The following SLC37A3 variants were observed in gnomAD, a reference collection of about 807,000 sequenced individuals.
The protein encoded by SLC37A3 is sugar phosphate exchanger 3.
Under a neutral mutation model 67.1 loss-of-function variants are expected in SLC37A3, and 51 were observed. The observed-to-expected ratio is 0.76, with a 90% CI of 0.61 to 0.96. The LOEUF (loss-of-function observed/expected upper bound fraction) is 0.96, where lower values mean the gene tolerates loss of function less well. Ranked by LOEUF, SLC37A3 falls within the 40% of genes least tolerant of loss-of-function variation. The pLI is 0.00. For synonymous variants in SLC37A3, 214 were observed against 231.4 expected (o/e 0.92, Z 0.68); for missense variants, 508 against 603.0 (o/e 0.84, Z 1.65).
At chr7:140,373,084 T>C (rs1226493454) in intron 3 of SLC37A3, among the ~76,000 whole-genome samples, 2 of 152,144 alleles carry the variant, frequency 1.3e-5, no homozygotes, top group African/African-American at 4.8e-5. Flanking sequence ...CCTGAGTAGC[T>C]GGGACTACAG....
At chr7:140,391,689 T>C (rs963368887) in intron 1 of SLC37A3, among the ~76,000 whole-genome samples, 15 of 152,172 alleles carry the variant, frequency 9.9e-5, no homozygotes, top group African/African-American at 3.6e-4. Flanking sequence ...AATAAGCAGA[T>C]AAACTATAAG....
At position 140,369,678 on chromosome 7, in the gene SLC37A3, C is replaced by T. The variant is rs993078924; in HGVS notation, c.203G>A (p.Trp68Ter). ...NTSVELPVEI[W>*]SSNHLFPSAE... The stretch of plus-strand genomic sequence containing the variant: ...ACTGGGGAACAAATGGTTGCTGCTC[C>T]AGATCTACAGTAAGACAGCAGGAAC... Residue 68 changes from tryptophan to a stop codon, truncating the protein, a stop_gained, in exon 4 of 15, where the codon TGG (tryptophan) becomes TAG (stop). Transcript: ENST00000326232. LOFTEE classifies it high-confidence loss of function. 10 of 1,613,616 alleles carry T rather than the reference C, an allele frequency of 6.2e-6. No homozygotes were observed. Among genetic ancestry groups the T allele is most frequent in the Non-Finnish European group, 7.6e-6 (9 of 1,179,862 alleles).
chr7:140,339,263 T>C (rs1027621023), intron 13 of SLC37A3, among the ~76,000 whole-genome samples: 15 of 126,214 alleles, frequency 1.2e-4, no homozygotes, highest in African/African-American at 4.3e-4. Flanking sequence ...GTCCCAGTTT[T>C]GTTTTTTTTT....
chr7:140,358,624 G>A lies in SLC37A3; in HGVS notation c.521+16C>T, dbSNP rs779128333. The A allele has an allele frequency of 6.2e-7, 1 of 1,613,382 alleles. No homozygotes were observed. Among genetic ancestry groups the A allele is most frequent in the Non-Finnish European group, 8.5e-7 (1 of 1,179,488 alleles). ...CCACTTAAACAGAGAAATTAGAGAG[G>A]AAGGAAGTGGCATACCCGGCTTTCC... On this transcript the variant is annotated intron_variant, in intron 6 of 14. Transcript: ENST00000326232.
chr7:140,357,720 C>T (rs928099982), intron 6 of SLC37A3, among the ~76,000 whole-genome samples: 13 of 151,836 alleles, frequency 8.6e-5, no homozygotes, highest in African/African-American at 3.1e-4. Flanking sequence ...GAGATCGAGA[C>T]CAGCCTGACC....
intron 10 of SLC37A3, among the ~76,000 whole-genome samples, chr7:140,346,816 C>T (rs1424520966): frequency 1.3e-5 from 2 of 152,092 alleles, no homozygotes; most frequent in Non-Finnish European, 2.9e-5. Context: ...ATGGCTTGAG[C>T]CCAGGAGGTT....
intron 1 of SLC37A3, 96 bp from the exon 2 acceptor site, chr7:140,382,692 T>C (rs1289983256): frequency 3.7e-6 from 2 of 547,168 alleles, no homozygotes; most frequent in Non-Finnish European, 6.3e-6. Flanking sequence ...TAATCAGGCC[T>C]TGTGGGAAAA....
At chr7:140,375,273 G>A (rs1226369383) in intron 3 of SLC37A3, among the ~76,000 whole-genome samples, 5 of 151,390 alleles carry the variant, frequency 3.3e-5, no homozygotes, top group Admixed American at 2.0e-4. Flanking sequence ...GTTCAAGTTC[G>A]AGACCAGCCT....
intron 14 of SLC37A3, 67 bp downstream of exon 14, chr7:140,337,216 TA>T: frequency 7.6e-7 from 1 of 1,311,706 alleles, no homozygotes; most frequent in South Asian, 1.6e-5. Flanking sequence ...TGAAGTGACT[TA>T]AGTAAGTGCT....
intron 1 of SLC37A3, among the ~76,000 whole-genome samples, chr7:140,397,756 A>G (rs560854082): frequency 3.3e-5 from 5 of 152,278 alleles, no homozygotes; most frequent in African/African-American, 1.2e-4. Context: ...TATAAACTAT[A>G]AACTTTTCAG....
chr7:140,337,323 C>G lies in SLC37A3; in HGVS notation c.1353G>C (p.Lys451Asn), dbSNP rs762287003. ...AGTAGAAAACCCACATCCATCCTAGCTTGTCCCGGATCAGAGACACTAAAT... is the reference window on the plus strand; with the variant it reads ...AGTAGAAAACCCACATCCATCCTAGGTTGTCCCGGATCAGAGACACTAAAT... Reference protein sequence around the residue: ...GQYLVSLIRDKLGWMWVFYFF... With the variant: ...GQYLVSLIRDNLGWMWVFYFF... Residue 451 changes from lysine (K) to asparagine (N), a missense_variant, in exon 14 of 15, where the codon AAG becomes AAC. By Grantham distance (94) the Lys-to-Asn change is moderately conservative. Coordinates refer to ENST00000326232, the MANE Select transcript of SLC37A3 (RefSeq NM_207113.3). 1 of 1,600,908 alleles carries G rather than the reference C, an allele frequency of 6.2e-7. No homozygotes were observed. The highest frequency in any genetic ancestry group is 8.5e-7 in the Non-Finnish European group (1 of 1,174,322).
In SLC37A3 at chr7:140,348,767, A is replaced by G. The variant is rs768374124; in HGVS notation, c.883T>C (p.Tyr295His). The change falls in exon 10 of 15, where the codon TAC becomes CAC. Residue 295 changes from tyrosine (Y) to histidine (H), a missense_variant and splice_region_variant. Coordinates refer to ENST00000326232, the MANE Select transcript of SLC37A3 (RefSeq NM_207113.3). Reference protein sequence around the residue: ...QACCLPGVIPYSLAYACLKLV... With the variant: ...QACCLPGVIPHSLAYACLKLV... Reference sequence around the variant, plus strand: ...TTCAAGCAGGCGTAGGCCAGTGAGTACTACAAGAAAAGCATTCAACTATCA... The same window carrying G: ...TTCAAGCAGGCGTAGGCCAGTGAGTGCTACAAGAAAAGCATTCAACTATCA... 6.2e-7 allele frequency: 1 copy of G among 1,613,606 alleles called. No homozygotes were observed. The highest frequency in any genetic ancestry group is 2.2e-5 in the East Asian group (1 of 44,880).
chr7:140,381,286 G>A (rs1262830303), intron 2 of SLC37A3, among the ~76,000 whole-genome samples: 2 of 151,244 alleles, frequency 1.3e-5, no homozygotes, highest in Non-Finnish European at 2.9e-5. Flanking sequence ...GGCTGAGGTG[G>A]GAGGATTGCT....
chr7:140,390,696 C>T (rs1031633391), intron 1 of SLC37A3, among the ~76,000 whole-genome samples: 1 of 152,132 alleles, frequency 6.6e-6, no homozygotes, highest in Admixed American at 6.5e-5. Context: ...CGGTTCTCTT[C>T]ACCACCACCC....
intron 2 of SLC37A3, 36 bp from the exon 3 acceptor site, chr7:140,380,426 A>C (rs753252032): frequency 4.3e-6 from 6 of 1,386,036 alleles, no homozygotes; most frequent in Non-Finnish European, 6.1e-6. Context: ...AATGAATAGC[A>C]AAGAGAAACA....
chr7:140,376,435 C>T (rs184390260), intron 3 of SLC37A3, among the ~76,000 whole-genome samples: 31 of 152,284 alleles, frequency 2.0e-4, no homozygotes, highest in African/African-American at 7.2e-4. Context: ...CTGGTCTGAG[C>T]GTACGTTTGA....
chr7:140,371,825 T>C (rs1017913544), intron 3 of SLC37A3, among the ~76,000 whole-genome samples: 42 of 151,766 alleles, frequency 2.8e-4, no homozygotes, highest in Non-Finnish European at 3.5e-4. Context: ...GGGCCAGCAG[T>C]GGAAAAGAGA....
intron 14 of SLC37A3, 65 bp downstream of exon 14, chr7:140,337,215 TTAAG>T (rs1287513844): frequency 1.7e-5 from 22 of 1,304,652 alleles, no homozygotes; most frequent in Admixed American, 8.5e-5. Flanking sequence ...CTGAAGTGAC[TTAAG>T]TAAGTGCTTT....
rs1230473505 is a variant in SLC37A3, at chr7:140,364,399, T to TC, written c.375+8dup. On this transcript the variant is annotated intron_variant, in intron 5 of 14. Coordinates refer to ENST00000326232, the MANE Select transcript of SLC37A3 (RefSeq NM_207113.3). ...ACCAAAATAATAATAATAAGACCTT[T>TC]CAACTTACCACTAATGCAGAAGAGC... The TC allele has an allele frequency of 6.2e-7, 1 of 1,611,474 alleles. No individual in the cohort carries two copies. Among genetic ancestry groups the TC allele is most frequent in the Non-Finnish European group, 8.5e-7 (1 of 1,178,908 alleles).
Sources: allele counts gnomAD v4.1 joint callset (sites outside exome capture counted in the v4.1 genomes callset), GRCh38; gene constraint gnomAD v4.1.1; transcripts MANE v1.5; gene names NCBI Gene and HGNC (gene_info 2026-07-23, HGNC 2026-07-21).